SLC30A7: variants seen among roughly 807,000 people sequenced by gnomAD.
SLC30A7 encodes solute carrier family 30 member 7, also known as zinc transporter 7.
SLC30A7 carries 35 observed loss-of-function variants against 46.0 expected under a neutral mutation model. The ratio of observed to expected loss-of-function variants is 0.76; its 90% confidence interval spans 0.58 to 1.01. SLC30A7 has a LOEUF of 1.01. Among genes scored for constraint, SLC30A7 ranks in the 50% least tolerant of loss-of-function variants. The pLI is 0.00. For missense variants in SLC30A7, 464 were observed against 451.1 expected, an observed-to-expected ratio of 1.03 and a Z score of -0.26; for synonymous variants, 147 against 157.8, an observed-to-expected ratio of 0.93 and a Z score of 0.51.
chr1:100,962,405 C>T (rs1015792751), intron 9 of SLC30A7, among the ~76,000 whole-genome samples: 1 of 152,166 alleles, frequency 6.6e-6, no homozygotes, highest in Admixed American at 6.5e-5. Flanking sequence ...ACCTTAGATT[C>T]ACTAAGGAAG....
chr1:100,941,009 GC>G, intron 8 of SLC30A7: 1 of 352,458 alleles, frequency 2.8e-6, no homozygotes, highest in South Asian at 2.5e-5. Context: ...TTATTTCCTA[GC>G]AGTAATTAAA....
chr1:100,928,023 G>A (rs753496209), intron 8 of SLC30A7, among the ~76,000 whole-genome samples: 3 of 152,170 alleles, frequency 2.0e-5, no homozygotes, highest in Non-Finnish European at 4.4e-5. Flanking sequence ...TTAGCATATA[G>A]AGACCTGATG....
chr1:100,974,770 C>T (rs907676923), intron 10 of SLC30A7, 40 bp from the exon 11 acceptor site: 32 of 1,514,790 alleles, frequency 2.1e-5, no homozygotes, highest in Non-Finnish European at 2.9e-5. Context: ...GTGTTATTAG[C>T]TTGTTAGATT....
the SLC30A7 span, chr1:100,995,380 C>G: frequency 3.0e-5 from 12 of 399,452 alleles, no homozygotes; most frequent in Middle Eastern, 7.2e-4. Flanking sequence ...CATCTAATTT[C>G]CTTTTGGAAA....
Position 100,974,965 on chromosome 1 carries a change from C to A in SLC30A7, c.*108C>A. On this transcript the variant is annotated 3_prime_UTR_variant, in exon 11 of 11. Coordinates refer to ENST00000357650, the MANE Select transcript of SLC30A7 (RefSeq NM_133496.5). ...AAAGAGAGAAATTATCACTACAACT[C>A]CCGAGCACTAAGTAGACGGGGTAGA... 1 of 856,922 alleles carries A rather than the reference C, an allele frequency of 1.2e-6. No homozygotes were observed. The highest frequency in any genetic ancestry group is 1.8e-6 in the Non-Finnish European group (1 of 553,892). 53.1% of individuals were successfully genotyped at this position (856,922 alleles called of 1,614,324 possible). A position where few individuals can be genotyped will look rare whatever the true frequency, so the allele number is the denominator to read the frequency against.
At chr1:100,903,330 C>T (rs1651432024) in intron 2 of SLC30A7, among the ~76,000 whole-genome samples, 1 of 151,976 alleles carries the variant, frequency 6.6e-6, no homozygotes, top group African/African-American at 2.4e-5. Flanking sequence ...GGTTTTATCA[C>T]AGTATAGAGA....
Position 100,974,984 on chromosome 1 carries a change from G to T in SLC30A7, c.*127G>T. The T allele has an allele frequency of 1.6e-6, 1 of 630,070 alleles. No individual in the cohort carries two copies. Among genetic ancestry groups the T allele is most frequent in the Non-Finnish European group, 2.6e-6 (1 of 388,394 alleles). The allele number at this position is 630,070 out of a possible 1,614,324, so 39.0% of individuals were successfully genotyped here. On this transcript the variant is annotated 3_prime_UTR_variant, in exon 11 of 11. Coordinates refer to ENST00000357650, the MANE Select transcript of SLC30A7 (RefSeq NM_133496.5). ...ACAACTCCCGAGCACTAAGTAGACGGGGTAGAGTCAGCCGTTCATGCTTTG... is the reference window on the plus strand; with the variant it reads ...ACAACTCCCGAGCACTAAGTAGACGTGGTAGAGTCAGCCGTTCATGCTTTG...
chr1:100,966,191 C>T (rs1259856235), intron 10 of SLC30A7, among the ~76,000 whole-genome samples: 5 of 151,174 alleles, frequency 3.3e-5, no homozygotes, highest in Admixed American at 6.6e-5. Flanking sequence ...TCCAGTTGCA[C>T]TCCAGCCTGG....
At chr1:100,928,820 T>A (rs1031485909) in intron 8 of SLC30A7, among the ~76,000 whole-genome samples, 5 of 152,098 alleles carry the variant, frequency 3.3e-5, no homozygotes, top group South Asian at 4.1e-4. Context: ...GGCACATTTT[T>A]AAAAAAATTA....
downstream of SLC30A7, among the ~76,000 whole-genome samples, chr1:100,983,597 A>G (rs1657103716): frequency 6.6e-6 from 1 of 152,232 alleles, no homozygotes; most frequent in African/African-American, 2.4e-5. Context: ...TTGAAAAGTG[A>G]TTCTGTATGA....
intron 8 of SLC30A7, among the ~76,000 whole-genome samples, chr1:100,961,143 A>G (rs1429556009): frequency 2.7e-5 from 4 of 146,446 alleles, no homozygotes; most frequent in African/African-American, 1.0e-4. Flanking sequence ...TTGTATTTTT[A>G]GTGGAGACGG....
chr1:100,911,039 G>A, intron 3 of SLC30A7, 24 bp from the exon 4 acceptor site: 1 of 1,533,766 alleles, frequency 6.5e-7, no homozygotes, highest in South Asian at 1.1e-5. Flanking sequence ...TAATAATTCA[G>A]TTATTTACTT....
At chr1:100,908,265 C>A (rs1408348025) in intron 3 of SLC30A7, among the ~76,000 whole-genome samples, 1 of 152,138 alleles carries the variant, frequency 6.6e-6, no homozygotes, top group African/African-American at 2.4e-5. Context: ...CAGGCACACA[C>A]TCTTTCTTTC....
the SLC30A7 span, chr1:100,992,499 G>T: frequency 3.6e-6 from 2 of 561,726 alleles, no homozygotes; most frequent in East Asian, 3.1e-5. Flanking sequence ...AGTTAAAGTT[G>T]GACAAAAATG....
chr1:100,931,349 C>T (rs1653653402), intron 8 of SLC30A7, among the ~76,000 whole-genome samples: 2 of 152,160 alleles, frequency 1.3e-5, no homozygotes, highest in South Asian at 4.1e-4. Flanking sequence ...TCTGCCATTA[C>T]ATTACTACAC....
chr1:100,909,869 A>G (rs1651969980), intron 3 of SLC30A7, among the ~76,000 whole-genome samples: 1 of 152,240 alleles, frequency 6.6e-6, no homozygotes, highest in East Asian at 1.9e-4. Flanking sequence ...AATACTTTTT[A>G]CTTTTGGATA....
At chr1:100,984,344 C>G (rs1448453148), downstream of SLC30A7, among the ~76,000 whole-genome samples, 2 of 152,122 alleles carry the variant, frequency 1.3e-5, no homozygotes, top group African/African-American at 4.8e-5. Flanking sequence ...GAGGCTCAAC[C>G]AAGAAGGGGA....
intron 10 of SLC30A7, among the ~76,000 whole-genome samples, chr1:100,966,269 T>C (rs1349642955): frequency 6.6e-6 from 1 of 150,656 alleles, no homozygotes; most frequent in Non-Finnish European, 1.5e-5. Context: ...TATATACTAC[T>C]GAACTATAAG....
chr1:100,983,563 T>C (rs1657102246), downstream of SLC30A7, among the ~76,000 whole-genome samples: 1 of 152,200 alleles, frequency 6.6e-6, no homozygotes, highest in Non-Finnish European at 1.5e-5. Context: ...AATTTTGCTT[T>C]TTAATGTAAA....
Sources: gnomAD v4.1 joint callset for allele counts (sites outside exome capture counted in the v4.1 genomes callset) on GRCh38, gnomAD v4.1.1 for gene constraint, MANE v1.5 for transcripts, NCBI Gene and HGNC (gene_info 2026-07-23, HGNC 2026-07-21) for gene names.